Variants in BMS1 observed in about 807,000 individuals in gnomAD.
BMS1 encodes the protein ribosome biogenesis protein BMS1 homolog.
BMS1 carries 53 observed loss-of-function variants against 138.7 expected under a neutral mutation model. The ratio of observed to expected loss-of-function variants is 0.38; its 90% CI spans 0.31 to 0.48. BMS1 has a LOEUF of 0.48. Among genes scored for constraint, BMS1 ranks in the 20% least tolerant of loss-of-function variants. The probability of loss-of-function intolerance (pLI) is 0.97; values close to 1 mark genes in which losing one functional copy is unlikely to be tolerated. For synonymous variants in BMS1, 504 were observed against 539.9 expected (o/e 0.93, Z 0.92); for missense variants, 1,360 against 1,565.5 (o/e 0.87, Z 2.22).
chr10:42,796,527 G>T lies in BMS1; in HGVS notation c.1283G>T (p.Arg428Leu), dbSNP rs755250098. 2 of 1,614,186 alleles carry T rather than the reference G, an allele frequency of 1.2e-6. No individual in the cohort carries two copies. The highest frequency in any genetic ancestry group is 1.7e-6 in the Non-Finnish European group (2 of 1,180,042). Residue 428 changes from arginine to leucine, a missense_variant, in exon 10 of 23, where the codon CGT becomes CTT. Physicochemically the swap from Arg to Leu is moderately radical, Grantham distance 102 (BLOSUM62 -2). This residue lies in a region of BMS1 where 697 missense variants were observed against 686.2 expected (regional missense o/e 1.02). Transcript: ENST00000374518. ...KQMDLNTGRM[R>L]RKAIFGDEDE... ...ATGGACTTGAACACTGGTCGAATGCGTCGGAAAGCCATTTTCGGAGATGAA... is the reference window on the plus strand; with the variant it reads ...ATGGACTTGAACACTGGTCGAATGCTTCGGAAAGCCATTTTCGGAGATGAA...
chr10:42,827,614 C>T (rs1842686125), intron 21 of BMS1, among the ~76,000 whole-genome samples: 1 of 152,142 alleles, frequency 6.6e-6, no homozygotes. Flanking sequence ...TCCTTATCCC[C>T]ACAGGGAGAC....
intron 21 of BMS1, among the ~76,000 whole-genome samples, chr10:42,826,079 C>A (rs1398946592): frequency 6.6e-6 from 1 of 152,072 alleles, no homozygotes; most frequent in East Asian, 1.9e-4. Flanking sequence ...GATTGATTTA[C>A]ATATGTTAAA....
intron 11 of BMS1, among the ~76,000 whole-genome samples, chr10:42,798,112 C>G (rs989849642): frequency 6.6e-6 from 1 of 152,190 alleles, no homozygotes; most frequent in African/African-American, 2.4e-5. Flanking sequence ...TCTAGGTACT[C>G]TTAGTGATGA....
At chr10:42,828,045 A>AT (rs1165581561) in intron 21 of BMS1, among the ~76,000 whole-genome samples, 2 of 152,244 alleles carry the variant, frequency 1.3e-5, no homozygotes, top group African/African-American at 2.4e-5. Flanking sequence ...TGCCCAAATC[A>AT]TAAGTGTGCA....
Position 42,820,366 on chromosome 10 carries a change from A to G in BMS1, c.2711A>G (p.His904Arg). 6.2e-7 allele frequency: 1 copy of G among 1,613,708 alleles called. No homozygotes were observed. The highest frequency in any genetic ancestry group is 8.5e-7 in the Non-Finnish European group (1 of 1,179,830). The change falls in exon 16 of 23, where the codon CAT becomes CGT. Residue 904 changes from histidine (H) to arginine (R), a missense_variant. By Grantham distance (29) the His-to-Arg change is conservative. Around this residue, in one of 3 missense-constraint regions of BMS1, gnomAD observed 425 missense variants for 568.3 expected, o/e 0.75. Coordinates refer to ENST00000374518, the MANE Select transcript of BMS1 (RefSeq NM_014753.4). ...GAATTTGTGCAGAACTTTGACCCCC[A>G]TTACCCCATTATCCTGGGTGGCTTG... Reference protein sequence around the residue: ...PCEFVQNFDPHYPIILGGLGN... With the variant: ...PCEFVQNFDPRYPIILGGLGN...
intron 12 of BMS1, 88 bp downstream of exon 12, chr10:42,798,713 T>A: frequency 6.5e-7 from 1 of 1,529,462 alleles, no homozygotes; most frequent in Non-Finnish European, 8.9e-7. Flanking sequence ...GCTTACCTGT[T>A]GTTGGCTTCT....
rs759014042 is a variant in BMS1, at chr10:42,823,169, C to G, written c.3184C>G (p.Arg1062Gly). 3.7e-6 allele frequency: 6 copies of G among 1,608,380 alleles called. No individual in the cohort carries two copies. The highest frequency in any genetic ancestry group is 3.3e-5 in the South Asian group (3 of 90,384). ...EVAKFEGAVI[R>G]TVSGIRGQIK... is the part of the protein sequence containing the mutation. ...GGCCAAATTTGAAGGTGCTGTGATT[C>G]GAACAGTCAGTGGGATAAGGGGGCA... Residue 1062 changes from arginine (R) to glycine (G), a missense_variant, in exon 20 of 23, where the codon CGA becomes GGA. This residue lies in a region of BMS1 where 425 missense variants were observed against 568.3 expected (regional missense o/e 0.75). Coordinates refer to ENST00000374518, the MANE Select transcript of BMS1 (RefSeq NM_014753.4).
Position 42,814,380 on chromosome 10 carries a change from G to C in BMS1, c.2330-2219G>C, listed in dbSNP as rs191208086. On this transcript the variant is annotated intron_variant, in intron 13 of 22. Coordinates refer to ENST00000374518, the MANE Select transcript of BMS1 (RefSeq NM_014753.4). ...CTGTCGTCTCCACTTTTACTCAATAGAGCCCATCTAGATAGATTTTTTTTT... is the reference window on the plus strand; with the variant it reads ...CTGTCGTCTCCACTTTTACTCAATACAGCCCATCTAGATAGATTTTTTTTT... Among the ~76,000 whole-genome samples the C allele has an allele frequency of 1.2e-4, 18 of 151,840 alleles. No individual in the cohort carries two copies. The East Asian group carries it at 3.1e-3, about 26-fold the overall frequency.
At chr10:42,797,390 G>A (rs1314294504) in intron 10 of BMS1, 32 bp from the exon 11 acceptor site, 5 of 1,610,768 alleles carry the variant, frequency 3.1e-6, no homozygotes, top group South Asian at 2.2e-5. Context: ...ACATGAATAA[G>A]CCTAACTGGA....
At chr10:42,827,521 A>T (rs1279001470) in intron 21 of BMS1, among the ~76,000 whole-genome samples, 1 of 152,122 alleles carries the variant, frequency 6.6e-6, no homozygotes, top group Non-Finnish European at 1.5e-5. Flanking sequence ...GGCACGTTGC[A>T]GCAGCAGCTG....
chr10:42,829,787 C>T (rs1392798256), intron 21 of BMS1, among the ~76,000 whole-genome samples: 2 of 152,062 alleles, frequency 1.3e-5, no homozygotes, highest in African/African-American at 4.8e-5. Context: ...CGGCACTGCT[C>T]TCTAGCCTGG....
chr10:42,796,969 C>A lies in BMS1; in HGVS notation c.1725C>A (p.Pro575=), dbSNP rs1403076999. 1.9e-6 allele frequency: 3 copies of A among 1,614,108 alleles called. No homozygotes were observed. Among genetic ancestry groups the A allele is most frequent in the African/African-American group, 1.3e-5 (1 of 74,938 alleles). Reference sequence around the variant, plus strand: ...TGCTGATGAAGAAAGCAGCTCTCCCCACTTTCGATTCTGGGCATTGCACAG... The same window carrying A: ...TGCTGATGAAGAAAGCAGCTCTCCCAACTTTCGATTCTGGGCATTGCACAG... The part of the protein sequence containing the change: ...KSLLMKKAAL[P]TFDSGHCTAE... Residue 575 remains proline, a synonymous_variant, in exon 10 of 23, where the codon CCC becomes CCA. Coordinates refer to ENST00000374518, the MANE Select transcript of BMS1 (RefSeq NM_014753.4).
rs7921071 is a variant in BMS1 at position 42,793,959 on chromosome 10, G to A, written c.1197G>A (p.Lys399=). 0.044 allele frequency: 71,502 copies of A among 1,611,578 alleles called. 2,796 individuals carry two copies. Among genetic ancestry groups the A allele is most frequent in the Admixed American group, 0.16 (9,765 of 59,978 alleles). ...GAGTGACGCTGTTTTCTGATTCCAA[G>A]CCACTTGGGTCAGAGGATATAGATA... ...SSRVTLFSDS[K]PLGSEDIDNQ... is the part of the protein sequence containing the mutation. The change falls in exon 9 of 23, where the codon AAG becomes AAA. Residue 399 remains lysine, a synonymous_variant. Transcript: ENST00000374518.
chr10:42,813,787 T>C (rs1336834110), intron 13 of BMS1, among the ~76,000 whole-genome samples: 1 of 152,236 alleles, frequency 6.6e-6, no homozygotes, highest in Non-Finnish European at 1.5e-5. Context: ...GTAGCCACTT[T>C]TTAGCATTTC....
At chr10:42,802,378 T>G (rs954339554) in intron 13 of BMS1, among the ~76,000 whole-genome samples, 160 bp downstream of exon 13, 1 of 152,244 alleles carries the variant, frequency 6.6e-6, no homozygotes, top group African/African-American at 2.4e-5. Context: ...GGTTTTCCTT[T>G]TATGATGATC....
intron 13 of BMS1, among the ~76,000 whole-genome samples, chr10:42,803,175 T>A (rs747329041): frequency 3.7e-4 from 57 of 152,302 alleles, no homozygotes; most frequent in African/African-American, 1.1e-3. Context: ...CAGCTAATTT[T>A]AAAATTTTTT....
rs911993741 is a variant in BMS1, at chr10:42,833,083, G to A, written c.*1987G>A. On this transcript the variant is annotated 3_prime_UTR_variant, in exon 23 of 23. Coordinates refer to ENST00000374518, the MANE Select transcript of BMS1 (RefSeq NM_014753.4). ...ATAGTTTTATATTTTAGCCAGAAGA[G>A]TGGAATCCTTTAGCAATGGGGGAAA... The A allele has an allele frequency of 1.3e-5, 2 of 152,166 alleles. No individual in the cohort carries two copies. Among genetic ancestry groups the A allele is most frequent in the Admixed American group, 6.5e-5 (1 of 15,280 alleles). 9.4% of individuals were successfully genotyped at this position (152,166 alleles called of 1,614,324 possible). A position where few individuals can be genotyped will look rare whatever the true frequency, so the allele number is the denominator to read the frequency against.
Position 42,817,304 on chromosome 10 carries a change from T to C in BMS1, c.2404-14T>C, listed in dbSNP as rs2132369260. ...CATAAACATACACAAAATTTTTTCT[T>C]CTGGAAATTTAAGAATGAAGATATA... On this transcript the variant is annotated splice_polypyrimidine_tract_variant and intron_variant, in intron 14 of 22. Transcript: ENST00000374518. The C allele has an allele frequency of 6.4e-7, 1 of 1,551,040 alleles. No homozygotes were observed. The highest frequency in any genetic ancestry group is 1.4e-5 in the African/African-American group (1 of 71,338).
intron 4 of BMS1, among the ~76,000 whole-genome samples, chr10:42,787,961 A>G (rs535274096): frequency 6.6e-6 from 1 of 152,346 alleles, no homozygotes; most frequent in East Asian, 1.9e-4. Context: ...TAGCAAAAAA[A>G]TAAGCCATAT....
Sources: gnomAD v4.1 joint callset for allele counts (sites outside exome capture counted in the v4.1 genomes callset) on GRCh38, gnomAD v4.1.1 for gene constraint, gnomAD v4.1.1 regional missense constraint, MANE v1.5 for transcripts, NCBI Gene and HGNC (gene_info 2026-07-23, HGNC 2026-07-21) for gene names.